The following SGMS1 variants were observed in gnomAD, a reference collection of about 807,000 sequenced individuals.
SGMS1 encodes phosphatidylcholine:ceramide cholinephosphotransferase 1.
SGMS1 carries 13 observed loss-of-function variants against 46.2 expected under a neutral mutation model. That is an observed-to-expected ratio of 0.28 (90% CI 0.18 to 0.45). The LOEUF is 0.45. SGMS1 is among the 20% of genes least tolerant of loss of function. SGMS1 has a pLI of 1.00. For missense variants in SGMS1, 324 were observed against 519.9 expected (o/e 0.62, Z 3.66); for synonymous variants, 203 against 187.8 (o/e 1.08, Z -0.66).
chr10:50,596,896 TA>T (rs1338172243), intron 1 of SGMS1, among the ~76,000 whole-genome samples: 2 of 152,232 alleles, frequency 1.3e-5, no homozygotes, highest in African/African-American at 4.8e-5. Flanking sequence ...CAGTGACTGC[TA>T]GTCCCACAGA....
intron 2 of SGMS1, among the ~76,000 whole-genome samples, chr10:50,565,758 G>A (rs1243581910): frequency 6.6e-6 from 1 of 152,154 alleles, no homozygotes; most frequent in Admixed American, 6.5e-5. Flanking sequence ...TTGGGGGTGA[G>A]TACTAGTGGA....
chr10:50,376,403 T>C (rs1489357752), intron 6 of SGMS1, among the ~76,000 whole-genome samples: 1 of 152,164 alleles, frequency 6.6e-6, no homozygotes, highest in Non-Finnish European at 1.5e-5. Flanking sequence ...ACTGATTCTT[T>C]AAAGAGATTC....
intron 2 of SGMS1, among the ~76,000 whole-genome samples, chr10:50,534,467 G>C (rs1250723116): frequency 6.6e-6 from 1 of 152,026 alleles, no homozygotes; most frequent in Non-Finnish European, 1.5e-5. Context: ...TGAGATGAAT[G>C]CTTCCCTACA....
intron 6 of SGMS1, among the ~76,000 whole-genome samples, chr10:50,374,323 G>A (rs1014436773): frequency 1.3e-5 from 2 of 152,056 alleles, no homozygotes; most frequent in Non-Finnish European, 2.9e-5. Context: ...AACTCCTCCT[G>A]CATGCCTTCT....
chr10:50,510,499 T>C (rs2133771943), intron 3 of SGMS1, among the ~76,000 whole-genome samples: 1 of 152,306 alleles, frequency 6.6e-6, no homozygotes, highest in Non-Finnish European at 1.5e-5. Context: ...TCACCAGCAA[T>C]GTAGGAGAGT....
At chr10:50,333,090 C>T (rs1391848050) in intron 7 of SGMS1, among the ~76,000 whole-genome samples, 1 of 152,186 alleles carries the variant, frequency 6.6e-6, no homozygotes, top group Non-Finnish European at 1.5e-5. Context: ...CTCCCAATTC[C>T]TTCAAATTTT....
At chr10:50,322,296 T>A (rs1847458300) in intron 8 of SGMS1, among the ~76,000 whole-genome samples, 1 of 152,196 alleles carries the variant, frequency 6.6e-6, no homozygotes. Flanking sequence ...AACATGCATC[T>A]CATTTTACTG....
At chr10:50,409,401 A>C (rs1255465449) in intron 6 of SGMS1, among the ~76,000 whole-genome samples, 5 of 152,174 alleles carry the variant, frequency 3.3e-5, no homozygotes. Context: ...AATCCCATTT[A>C]TTCCCTGAAC....
intron 3 of SGMS1, among the ~76,000 whole-genome samples, chr10:50,481,348 G>A (rs987549767): frequency 5.3e-5 from 8 of 152,180 alleles, no homozygotes; most frequent in Admixed American, 5.2e-4. Flanking sequence ...ACCCATCTTT[G>A]CTATTCTGCA....
chr10:50,378,183 C>A (rs985594880), intron 6 of SGMS1, among the ~76,000 whole-genome samples: 1 of 152,184 alleles, frequency 6.6e-6, no homozygotes, highest in Non-Finnish European at 1.5e-5. Context: ...TTTACACTAG[C>A]CTGTTTCCTG....
intron 1 of SGMS1, among the ~76,000 whole-genome samples, chr10:50,619,262 C>A (rs187227158): frequency 6.6e-6 from 1 of 152,048 alleles, no homozygotes; most frequent in East Asian, 1.9e-4. Context: ...AAAGACCAGC[C>A]CTACAAAGCA....
chr10:50,623,520 G>T (rs554742644), intron 1 of SGMS1, 187 bp downstream of exon 1: 1 of 949,556 alleles, frequency 1.1e-6, no homozygotes, highest in Non-Finnish European at 1.3e-6. Flanking sequence ...GACCACCCAC[G>T]GGAGCAGCAG....
intron 3 of SGMS1, among the ~76,000 whole-genome samples, chr10:50,475,639 G>T (rs1227102800): frequency 2.6e-5 from 4 of 152,108 alleles, no homozygotes; most frequent in Non-Finnish European, 5.9e-5. Context: ...TGGACGTGGG[G>T]CCTGGTGGTA....
chr10:50,513,696 C>A (rs544483906), intron 3 of SGMS1, among the ~76,000 whole-genome samples: 1 of 152,158 alleles, frequency 6.6e-6, no homozygotes, highest in African/African-American at 2.4e-5. Flanking sequence ...ATAAAATCAG[C>A]ATTCAGGTTT....
intron 2 of SGMS1, among the ~76,000 whole-genome samples, chr10:50,540,736 C>T (rs753644085): frequency 6.6e-6 from 1 of 152,046 alleles, no homozygotes. Context: ...CCAGGTCATG[C>T]GAGTCACTAA....
upstream of SGMS1, chr10:50,624,929 G>A (rs1202067644): frequency 1.7e-5 from 17 of 1,016,162 alleles, no homozygotes; most frequent in South Asian, 6.3e-5. Context: ...CCACGTGACT[G>A]TCCGCGGCGC....
intron 5 of SGMS1, among the ~76,000 whole-genome samples, chr10:50,448,742 CAAA>C (rs35580756): frequency 3.4e-5 from 2 of 58,734 alleles, no homozygotes; most frequent in Admixed American, 1.8e-4. Context: ...GAAACTCCGC[CAAA>C]AAAAAAAAAA....
chr10:50,572,625 A>G (rs531812986), intron 2 of SGMS1, among the ~76,000 whole-genome samples: 18 of 152,322 alleles, frequency 1.2e-4, no homozygotes, highest in Non-Finnish European at 1.9e-4. Context: ...ATGTATTTGA[A>G]GAACAGTTTT....
intron 5 of SGMS1, among the ~76,000 whole-genome samples, chr10:50,446,492 A>C (rs1048952977): frequency 6.6e-6 from 1 of 152,260 alleles, no homozygotes; most frequent in Non-Finnish European, 1.5e-5. Context: ...TAATGTTCAC[A>C]GTAGTTATAT....
Sources: allele counts gnomAD v4.1 joint callset (sites outside exome capture counted in the v4.1 genomes callset), GRCh38; gene constraint gnomAD v4.1.1; transcripts MANE v1.5; gene names NCBI Gene and HGNC (gene_info 2026-07-23, HGNC 2026-07-21).